ASB4: variants seen among roughly 807,000 people sequenced by gnomAD.
ASB4 encodes the protein ankyrin repeat and SOCS box protein 4.
A neutral mutation model predicts 38.6 loss-of-function variants in ASB4; 35 were observed. The ratio of observed to expected loss-of-function variants is 0.91; its 90% CI spans 0.69 to 1.20. The LOEUF (loss-of-function observed/expected upper bound fraction) is 1.20, where lower values mean the gene tolerates loss of function less well. Among genes scored for constraint, ASB4 ranks in the 50% most tolerant of loss-of-function variants. ASB4 has a pLI of 0.00. For missense variants in ASB4, 557 were observed against 527.2 expected (o/e 1.06, Z -0.55); for synonymous variants, 195 against 201.3 (o/e 0.97, Z 0.26).
chr7:95,498,467 G>A (rs1790283268), intron 2 of ASB4, among the ~76,000 whole-genome samples: 1 of 152,116 alleles, frequency 6.6e-6, no homozygotes, highest in African/African-American at 2.4e-5. Context: ...ATGTTTTCAT[G>A]TATTGATTTG....
In ASB4 at chr7:95,539,720, T is replaced by C. The variant is rs1172310753; in HGVS notation, c.*1961T>C. The C allele has an allele frequency of 2.0e-5, 3 of 152,336 alleles. No homozygotes were observed. Among genetic ancestry groups the C allele is most frequent in the Non-Finnish European group, 2.9e-5 (2 of 68,166 alleles). The allele number at this position is 152,336 out of a possible 1,614,324, so 9.4% of individuals were successfully genotyped here. ...ACATCCAGAGTGATATAATGGACTA[T>C]GGGGACTTGCAAGGGGAAGCTTGAG... On this transcript the variant is annotated 3_prime_UTR_variant, in exon 5 of 5. Coordinates refer to ENST00000325885, the MANE Select transcript of ASB4 (RefSeq NM_016116.3).
chr7:95,472,749 C>T, the ASB4 span, among the ~76,000 whole-genome samples: 1 of 152,096 alleles, frequency 6.6e-6, no homozygotes, highest in Non-Finnish European at 1.5e-5. Flanking sequence ...ACGCGGTTAA[C>T]CTCAGCTGGA....
intron 3 of ASB4, among the ~76,000 whole-genome samples, chr7:95,531,687 T>A (rs1790821715): frequency 6.6e-6 from 1 of 152,138 alleles, no homozygotes; most frequent in African/African-American, 2.4e-5. Context: ...TGTGTGTGAG[T>A]CCCTGCCCAG....
At chr7:95,499,718 C>G (rs933758292) in intron 2 of ASB4, among the ~76,000 whole-genome samples, 1 of 151,958 alleles carries the variant, frequency 6.6e-6, no homozygotes, top group Non-Finnish European at 1.5e-5. Context: ...GCAAGACTTA[C>G]CTACAGTTGG....
intron 2 of ASB4, among the ~76,000 whole-genome samples, chr7:95,504,236 A>G (rs1790378324): frequency 6.6e-6 from 1 of 152,200 alleles, no homozygotes; most frequent in African/African-American, 2.4e-5. Flanking sequence ...ACTGCAGGAA[A>G]GCCATAAAAA....
chr7:95,503,261 C>T (rs1340117957), intron 2 of ASB4, among the ~76,000 whole-genome samples: 1 of 152,168 alleles, frequency 6.6e-6, no homozygotes, highest in Admixed American at 6.5e-5. Context: ...AATCAGATCA[C>T]TGGGTAAAAT....
chr7:95,551,169 C>G, the ASB4 span, among the ~76,000 whole-genome samples: 1 of 152,122 alleles, frequency 6.6e-6, no homozygotes, highest in Non-Finnish European at 1.5e-5. Flanking sequence ...TTAGTAGACA[C>G]ACGGTTTTGC....
At chr7:95,499,838 A>AAAT (rs1434834824) in intron 2 of ASB4, among the ~76,000 whole-genome samples, 1 of 150,538 alleles carries the variant, frequency 6.6e-6, no homozygotes, top group Non-Finnish European at 1.5e-5. Flanking sequence ...AGATGAGATT[A>AAAT]AATCCAGAGA....
At chr7:95,529,738 T>C (rs942775899) in intron 3 of ASB4, among the ~76,000 whole-genome samples, 5 of 152,228 alleles carry the variant, frequency 3.3e-5, no homozygotes, top group Non-Finnish European at 7.3e-5. Flanking sequence ...AGAATAATGT[T>C]ACAGTAACTG....
intron 2 of ASB4, among the ~76,000 whole-genome samples, chr7:95,508,268 C>G (rs1157655018): frequency 6.6e-6 from 1 of 151,808 alleles, no homozygotes; most frequent in Admixed American, 6.6e-5. Flanking sequence ...TAGCCAGAGG[C>G]AGAGAAGGAG....
At chr7:95,480,973 CAT>C (rs1790017515), upstream of ASB4, among the ~76,000 whole-genome samples, 1 of 151,986 alleles carries the variant, frequency 6.6e-6, no homozygotes, top group Admixed American at 6.6e-5. Flanking sequence ...TGAAAAAAAC[CAT>C]ATAAAAATCC....
chr7:95,506,173 T>C (rs1484948975), intron 2 of ASB4, among the ~76,000 whole-genome samples: 1 of 152,222 alleles, frequency 6.6e-6, no homozygotes, highest in African/African-American at 2.4e-5. Flanking sequence ...GCTGGAATTA[T>C]AGGTGTGAGG....
chr7:95,503,809 C>G (rs981650552), intron 2 of ASB4, among the ~76,000 whole-genome samples: 1 of 152,158 alleles, frequency 6.6e-6, no homozygotes, highest in Non-Finnish European at 1.5e-5. Context: ...TTAATGGGCT[C>G]TTTGTGGAAA....
chr7:95,505,633 A>G (rs1790396279), intron 2 of ASB4, among the ~76,000 whole-genome samples: 1 of 151,390 alleles, frequency 6.6e-6, no homozygotes, highest in African/African-American at 2.4e-5. Context: ...ATGAGAATCT[A>G]TTGATTTATT....
At position 95,536,503 on chromosome 7, in the gene ASB4, A is replaced by C. The variant is rs1790891424; in HGVS notation, c.1045A>C (p.Arg349=). The C allele has an allele frequency of 6.2e-7, 1 of 1,613,342 alleles. No individual in the cohort carries two copies. The highest frequency in any genetic ancestry group is 1.3e-5 in the African/African-American group (1 of 74,924). ...EVVVNAYEHI[R]WNTKWRRAIP... is the part of the protein sequence containing the mutation. ...TGTAGTCAATGCCTATGAACACATC[A>C]GATGGAACACAAAGTGGAGAAGAGC... Residue 349 remains arginine, a synonymous_variant, in exon 4 of 5, where the codon AGA becomes CGA. Transcript: ENST00000325885.
At position 95,528,078 on chromosome 7, in the gene ASB4, C is replaced by T. The variant is rs1208795052; in HGVS notation, c.753C>T (p.Asp251=). ...CCGAAGTCAATGCCCGAGATGACGACTTTAAATCTCCCCTCCACAAGGCAG... is the reference window on the plus strand; with the variant it reads ...CCGAAGTCAATGCCCGAGATGACGATTTTAAATCTCCCCTCCACAAGGCAG... ...YKAEVNARDD[D]FKSPLHKAAW... Residue 251 remains aspartate, a synonymous_variant, in exon 3 of 5, where the codon GAC becomes GAT. Coordinates refer to ENST00000325885, the MANE Select transcript of ASB4 (RefSeq NM_016116.3). 2 of 1,614,206 alleles carry T rather than the reference C, an allele frequency of 1.2e-6. No individual in the cohort carries two copies. Among genetic ancestry groups the T allele is most frequent in the South Asian group, 1.1e-5 (1 of 91,082 alleles).
chr7:95,480,938 G>A (rs1265100367), upstream of ASB4, among the ~76,000 whole-genome samples: 3 of 152,088 alleles, frequency 2.0e-5, no homozygotes, highest in African/African-American at 7.2e-5. Flanking sequence ...ATTACTCAGT[G>A]ATCAAATAGA....
intron 3 of ASB4, among the ~76,000 whole-genome samples, chr7:95,531,490 G>A (rs934593006): frequency 6.6e-6 from 1 of 152,208 alleles, no homozygotes; most frequent in Admixed American, 6.5e-5. Flanking sequence ...TAGCCTTCTT[G>A]TAAGGCTGTT....
intron 2 of ASB4, among the ~76,000 whole-genome samples, chr7:95,499,513 A>G (rs1035081485): frequency 3.9e-5 from 6 of 152,232 alleles, no homozygotes; most frequent in African/African-American, 1.2e-4. Flanking sequence ...TCATTAGATT[A>G]GGTGACAGAG....
Sources: gnomAD v4.1 joint callset for allele counts (sites outside exome capture counted in the v4.1 genomes callset) on GRCh38, gnomAD v4.1.1 for gene constraint, MANE v1.5 for transcripts, NCBI Gene and HGNC (gene_info 2026-07-23, HGNC 2026-07-21) for gene names.